Variants in RAB18 observed in about 807,000 individuals in gnomAD.
The protein encoded by RAB18 is ras-related protein Rab-18.
Under a neutral mutation model 28.5 loss-of-function variants are expected in RAB18, and 10 were observed. The ratio of observed to expected loss-of-function variants is 0.35; its 90% CI spans 0.22 to 0.60. RAB18 has a LOEUF of 0.60. Among genes scored for constraint, RAB18 ranks in the 20% least tolerant of loss-of-function variants. The probability of loss-of-function intolerance (pLI) is 0.78; values close to 1 mark genes in which losing one functional copy is unlikely to be tolerated. For missense variants in RAB18, 188 were observed against 244.2 expected (o/e 0.77, Z 1.53); for synonymous variants, 93 against 86.9 (o/e 1.07, Z -0.39).
chr10:27,509,815 C>A (rs1834289259), intron 1 of RAB18, 60 bp from the exon 2 acceptor site: 1 of 1,321,078 alleles, frequency 7.6e-7, no homozygotes, highest in African/African-American at 1.4e-5. Flanking sequence ...ATCATGAACA[C>A]ATTTATCATA....
chr10:27,527,291 A>G (rs1024394079), intron 3 of RAB18, among the ~76,000 whole-genome samples: 2 of 152,122 alleles, frequency 1.3e-5, no homozygotes, highest in Non-Finnish European at 2.9e-5. Context: ...CTTGTTTGTT[A>G]GTATAGATAT....
In RAB18 at chr10:27,541,634, G is replaced by GT. The variant is rs756806661; in HGVS notation, c.*3583_*3584insT. On this transcript the variant is annotated 3_prime_UTR_variant, in exon 7 of 7. Transcript: ENST00000356940. Reference sequence around the variant, plus strand: ...CCGTTTCTCATGCAGGTTATTTCTTGCTTTTTTTTTTTTTCCTCTTTTTTA... The same window carrying GT: ...CCGTTTCTCATGCAGGTTATTTCTTGTCTTTTTTTTTTTTTCCTCTTTTTTA... 7.5e-4 allele frequency: 312 copies of GT among 416,460 alleles called. No individual in the cohort carries two copies. In the East Asian group the frequency reaches 9.8e-3, roughly 13 times the overall value. The allele number at this position is 416,460 out of a possible 1,614,324, so 25.8% of individuals were successfully genotyped here.
chr10:27,524,239 CT>C (rs1834628495), intron 2 of RAB18, among the ~76,000 whole-genome samples: 1 of 152,174 alleles, frequency 6.6e-6, no homozygotes, highest in Non-Finnish European at 1.5e-5. Flanking sequence ...CCATTTTCAT[CT>C]TTAGAAAGTT....
chr10:27,504,933 C>T (rs759994433), intron 1 of RAB18: 6 of 530,024 alleles, frequency 1.1e-5, no homozygotes, highest in Non-Finnish European at 2.3e-5. Flanking sequence ...CCATTCCTGG[C>T]CTGTTTGGGC....
intron 1 of RAB18, among the ~76,000 whole-genome samples, chr10:27,509,323 T>C (rs2477342): frequency 0.97 from 148,102 of 152,268 alleles, 72,136 homozygotes; most frequent in East Asian, 1. Flanking sequence ...CCCGAGTCTA[T>C]CTACTCTGTC....
At chr10:27,515,834 C>G (rs563076320) in intron 2 of RAB18, among the ~76,000 whole-genome samples, 2 of 152,116 alleles carry the variant, frequency 1.3e-5, no homozygotes, top group East Asian at 1.9e-4. Flanking sequence ...ATCCTCCTTC[C>G]TTCTTTATCA....
chr10:27,511,957 T>TTTTTTTC (rs1375901839), intron 2 of RAB18, among the ~76,000 whole-genome samples: 1 of 152,140 alleles, frequency 6.6e-6, no homozygotes, highest in Non-Finnish European at 1.5e-5. Context: ...AAGAGCTCTT[T>TTTTTTTC]TTTTTTCTTT....
At position 27,533,810 on chromosome 10, in the gene RAB18, G is replaced by GTT. The variant is rs1834838505; in HGVS notation, c.335_336insTT (p.Arg112SerfsTer2). On this transcript the variant is annotated frameshift_variant, in exon 5 of 7. Coordinates refer to ENST00000356940, the MANE Select transcript of RAB18 (RefSeq NM_021252.5). LOFTEE classifies it high-confidence loss of function. ...AATGAATTGGAAACATACTGTACAA[G>GTT]AAATGACATAGTAAACATGCTAGTT... 6.2e-7 allele frequency: 1 copy of GTT among 1,613,578 alleles called. No individual in the cohort carries two copies. Among genetic ancestry groups the GTT allele is most frequent in the Non-Finnish European group, 8.5e-7 (1 of 1,179,762 alleles).
At chr10:27,531,055 G>A (rs567098370) in intron 3 of RAB18, among the ~76,000 whole-genome samples, 15 of 152,152 alleles carry the variant, frequency 9.9e-5, no homozygotes, top group Non-Finnish European at 2.1e-4. Context: ...GGCAGGTTTT[G>A]TAAGAAACTT....
chr10:27,504,386 T>C lies in RAB18; in HGVS notation c.17T>C (p.Leu6Pro). The C allele has an allele frequency of 6.3e-7, 1 of 1,576,450 alleles. No homozygotes were observed. The highest frequency in any genetic ancestry group is 8.6e-7 in the Non-Finnish European group (1 of 1,161,412). The change falls in exon 1 of 7, where the codon CTA becomes CCA. Residue 6 changes from leucine (L) to proline (P), a missense_variant. Coordinates refer to ENST00000356940, the MANE Select transcript of RAB18 (RefSeq NM_021252.5). The stretch of plus-strand genomic sequence containing the variant: ...GGGGTCAGGATGGACGAGGACGTGC[T>C]AACCACCCTGAAGATCCTCATCATC... MDEDVLTTLKILIIGE... is the reference protein window; with the variant it reads MDEDVPTTLKILIIGE...
intron 3 of RAB18, 135 bp from the exon 4 acceptor site, chr10:27,532,368 CTTAT>C (rs957142480): frequency 1.6e-4 from 97 of 598,826 alleles, no homozygotes; most frequent in African/African-American, 5.9e-4. Flanking sequence ...GCGAACACAT[CTTAT>C]TTAAGTTCCA....
Position 27,540,904 on chromosome 10 carries a change from A to T in RAB18, c.*2853A>T. The T allele has an allele frequency of 2.2e-6, 1 of 454,060 alleles. No homozygotes were observed. 28.1% of individuals were successfully genotyped at this position (454,060 alleles called of 1,614,324 possible). ...GTGGGGCTAGCACCATAGCTCATAA[A>T]AGAATCCTTCTTACACCAGTACTTG... is the stretch of plus-strand genomic sequence containing the variant. On this transcript the variant is annotated 3_prime_UTR_variant, in exon 7 of 7. Coordinates refer to ENST00000356940, the MANE Select transcript of RAB18 (RefSeq NM_021252.5).
rs1835018728 is a variant in RAB18 at position 27,541,176 on chromosome 10, T to C, written c.*3125T>C. On this transcript the variant is annotated 3_prime_UTR_variant, in exon 7 of 7. Transcript: ENST00000356940. ...TAGTTAAGTATAGGGGTAAAAACGT[T>C]ATTCAGCTTTCAGAAGACATTGTTC... 2.2e-6 allele frequency: 1 copy of C among 454,042 alleles called. No individual in the cohort carries two copies. Among genetic ancestry groups the C allele is most frequent in the Non-Finnish European group, 4.4e-6 (1 of 226,784 alleles). The allele number at this position is 454,042 out of a possible 1,614,324, so 28.1% of individuals were successfully genotyped here.
chr10:27,531,231 A>T (rs896515173), intron 3 of RAB18, among the ~76,000 whole-genome samples: 10 of 152,094 alleles, frequency 6.6e-5, no homozygotes, highest in Non-Finnish European at 1.2e-4. Context: ...AATTTATGTA[A>T]GTGTATCTGT....
At chr10:27,515,435 A>G (rs569212950) in intron 2 of RAB18, among the ~76,000 whole-genome samples, 2 of 152,338 alleles carry the variant, frequency 1.3e-5, no homozygotes, top group East Asian at 3.9e-4. Flanking sequence ...GGGTCACAAC[A>G]TATTTCTTAA....
At chr10:27,522,006 C>T (rs1358002768) in intron 2 of RAB18, among the ~76,000 whole-genome samples, 1 of 152,006 alleles carries the variant, frequency 6.6e-6, no homozygotes, top group African/African-American at 2.4e-5. Context: ...TTGGTTGGTC[C>T]TGATATTGTA....
At chr10:27,532,729 G>C in intron 4 of RAB18, 150 bp downstream of exon 4, 1 of 620,920 alleles carries the variant, frequency 1.6e-6, no homozygotes, top group Non-Finnish European at 2.8e-6. Flanking sequence ...TAATATTAAT[G>C]AATATTAAAA....
intron 2 of RAB18, among the ~76,000 whole-genome samples, chr10:27,523,187 G>A (rs528261664): frequency 1.5e-5 from 2 of 136,624 alleles, no homozygotes; most frequent in South Asian, 4.8e-4. Flanking sequence ...TTTTGATGTT[G>A]TTTTTCTTTT....
intron 2 of RAB18, among the ~76,000 whole-genome samples, chr10:27,511,100 C>A (rs1834314357): frequency 6.6e-6 from 1 of 152,132 alleles, no homozygotes; most frequent in African/African-American, 2.4e-5. Flanking sequence ...TATCAGTTGT[C>A]CCATTAATGT....
Sources: allele counts gnomAD v4.1 joint callset (sites outside exome capture counted in the v4.1 genomes callset), GRCh38; gene constraint gnomAD v4.1.1; transcripts MANE v1.5; gene names NCBI Gene and HGNC (gene_info 2026-07-23, HGNC 2026-07-21).